XKR6: variants seen among roughly 807,000 people sequenced by gnomAD.
XKR6 encodes XK-related protein 6.
In XKR6, 22 loss-of-function variants were observed where a neutral mutation model predicts 56.7. That is an observed-to-expected ratio of 0.39 (90% CI 0.28 to 0.55). The LOEUF (loss-of-function observed/expected upper bound fraction) is 0.55, where lower values mean the gene tolerates loss of function less well. Ranked by LOEUF, XKR6 falls within the 20% of genes least tolerant of loss-of-function variation. The pLI is 0.66. For synonymous variants in XKR6, 524 were observed against 387.8 expected, an observed-to-expected ratio of 1.35 and a Z score of -4.13; for missense variants, 852 against 889.0, an observed-to-expected ratio of 0.96 and a Z score of 0.53.
chr8:10,954,259 TG>T (rs1801810261), intron 1 of XKR6, among the ~76,000 whole-genome samples: 1 of 152,262 alleles, frequency 6.6e-6, no homozygotes, highest in Non-Finnish European at 1.5e-5. Context: ...TCATCGTGGC[TG>T]CACCATTTTG....
At chr8:11,065,501 C>A (rs994891426) in intron 1 of XKR6, among the ~76,000 whole-genome samples, 1 of 152,098 alleles carries the variant, frequency 6.6e-6, no homozygotes, top group Non-Finnish European at 1.5e-5. Context: ...CCGTGATGAG[C>A]GTCATATCAG....
chr8:11,116,192 C>T (rs368005771), intron 1 of XKR6, among the ~76,000 whole-genome samples: 17 of 152,284 alleles, frequency 1.1e-4, no homozygotes, highest in South Asian at 8.3e-4. Flanking sequence ...CCTCCTTTCC[C>T]ATGTATGTCG....
intron 1 of XKR6, among the ~76,000 whole-genome samples, chr8:11,065,398 G>A (rs913352864): frequency 2.6e-5 from 4 of 152,124 alleles, no homozygotes; most frequent in East Asian, 1.9e-4. Context: ...TCCACCATTC[G>A]GTGGCTTCGT....
chr8:11,018,581 C>A (rs1272510228), intron 1 of XKR6, among the ~76,000 whole-genome samples: 3 of 152,208 alleles, frequency 2.0e-5, no homozygotes, highest in Non-Finnish European at 2.9e-5. Context: ...CCAGGAGAAA[C>A]TACAGGTAAT....
At chr8:10,900,438 A>G (rs966941144) in intron 2 of XKR6, among the ~76,000 whole-genome samples, 3 of 152,120 alleles carry the variant, frequency 2.0e-5, no homozygotes, top group African/African-American at 7.2e-5. Flanking sequence ...CCCTCCTTCC[A>G]TCATGTCACA....
chr8:10,968,260 C>G (rs1221810187), intron 1 of XKR6, among the ~76,000 whole-genome samples: 1 of 152,254 alleles, frequency 6.6e-6, no homozygotes, highest in African/African-American at 2.4e-5. Context: ...CCCCACTTCT[C>G]TCTCTACCAA....
At chr8:11,115,423 C>A (rs556640122) in intron 1 of XKR6, among the ~76,000 whole-genome samples, 3 of 152,234 alleles carry the variant, frequency 2.0e-5, no homozygotes, top group South Asian at 2.1e-4. Flanking sequence ...AATCCTGCTG[C>A]TAAAGTTATA....
intron 1 of XKR6, among the ~76,000 whole-genome samples, chr8:10,998,316 T>G (rs1798161768): frequency 6.6e-6 from 1 of 152,064 alleles, no homozygotes; most frequent in African/African-American, 2.4e-5. Flanking sequence ...AGTTGTCATT[T>G]TGAACCTAAT....
chr8:11,123,281 C>T (rs899094670), intron 1 of XKR6: 6 of 150,578 alleles, frequency 4.0e-5, no homozygotes, highest in Non-Finnish European at 7.4e-5. Context: ...ACAAACAAAA[C>T]CATTTACAAT....
At chr8:11,191,929 T>C (rs78614138) in intron 1 of XKR6, among the ~76,000 whole-genome samples, 3,373 of 152,264 alleles carry the variant, frequency 0.022, 114 homozygotes, top group African/African-American at 0.077. Flanking sequence ...TGTAGCTTTG[T>C]AGAATGATTC....
chr8:10,931,392 C>G (rs924823638), intron 1 of XKR6, among the ~76,000 whole-genome samples: 8 of 151,856 alleles, frequency 5.3e-5, no homozygotes, highest in Non-Finnish European at 8.8e-5. Flanking sequence ...CAATAAAAAC[C>G]CAAGTGGAAT....
intron 1 of XKR6, among the ~76,000 whole-genome samples, chr8:11,009,430 G>A (rs1586426904): frequency 6.6e-6 from 1 of 152,190 alleles, no homozygotes; most frequent in Non-Finnish European, 1.5e-5. Flanking sequence ...AGGATCACCT[G>A]AGCCTGGGGA....
intron 1 of XKR6, among the ~76,000 whole-genome samples, chr8:11,089,327 G>C (rs1478622232): frequency 3.9e-5 from 6 of 152,194 alleles, no homozygotes; most frequent in Non-Finnish European, 7.3e-5. Context: ...GCCTGGGGTT[G>C]AGTGCTTTTT....
At chr8:11,163,760 G>A (rs572482937) in intron 1 of XKR6, among the ~76,000 whole-genome samples, 3 of 152,282 alleles carry the variant, frequency 2.0e-5, no homozygotes, top group Admixed American at 6.5e-5. Context: ...TGAGGTAAAT[G>A]TATCATTGTT....
At chr8:11,031,098 G>C (rs1406882641) in intron 1 of XKR6, among the ~76,000 whole-genome samples, 1 of 152,200 alleles carries the variant, frequency 6.6e-6, no homozygotes, top group Non-Finnish European at 1.5e-5. Flanking sequence ...TGGTGGTCTT[G>C]TTTGAGATGA....
intron 1 of XKR6, among the ~76,000 whole-genome samples, chr8:11,133,430 C>T (rs544126946): frequency 6.6e-6 from 1 of 152,212 alleles, no homozygotes; most frequent in Admixed American, 6.5e-5. Flanking sequence ...TTAAGATCTG[C>T]CTCCTGGAGA....
chr8:11,147,055 G>A (rs1259144206), intron 1 of XKR6, among the ~76,000 whole-genome samples: 4 of 151,796 alleles, frequency 2.6e-5, no homozygotes, highest in Non-Finnish European at 5.9e-5. Flanking sequence ...AATTTGCTAA[G>A]AAGGTAGATC....
chr8:11,021,543 G>C (rs1429689873), intron 1 of XKR6, among the ~76,000 whole-genome samples: 1 of 152,070 alleles, frequency 6.6e-6, no homozygotes, highest in Non-Finnish European at 1.5e-5. Context: ...CTAGCCTTTT[G>C]TCCCTTTCAA....
chr8:11,172,111 C>G (rs936924801), intron 1 of XKR6, among the ~76,000 whole-genome samples: 1 of 151,736 alleles, frequency 6.6e-6, no homozygotes, highest in African/African-American at 2.4e-5. Flanking sequence ...TGGCTCAGAC[C>G]TATAATCCCA....
Sources: gnomAD v4.1 joint callset for allele counts (sites outside exome capture counted in the v4.1 genomes callset) on GRCh38, gnomAD v4.1.1 for gene constraint, MANE v1.5 for transcripts, NCBI Gene and HGNC (gene_info 2026-07-23, HGNC 2026-07-21) for gene names.